Variants in PPM1H observed in about 807,000 individuals in gnomAD.
PPM1H encodes protein phosphatase 1H.
In PPM1H, 27 loss-of-function variants were observed where a neutral mutation model predicts 54.9. That is an observed-to-expected ratio of 0.49 (90% confidence interval 0.36 to 0.68). The LOEUF (loss-of-function observed/expected upper bound fraction) is 0.68, where lower values mean the gene tolerates loss of function less well. PPM1H is among the 30% of genes least tolerant of loss of function. PPM1H has a pLI of 0.00. For missense variants in PPM1H, 596 were observed against 667.8 expected (o/e 0.89, Z 1.19); for synonymous variants, 305 against 270.8 (o/e 1.13, Z -1.24).
intron 4 of PPM1H, among the ~76,000 whole-genome samples, chr12:62,778,263 TG>T (rs2076622280): frequency 6.6e-6 from 1 of 152,248 alleles, no homozygotes; most frequent in Admixed American, 6.5e-5. Context: ...ATGCCACTGC[TG>T]GCCAAAACTG....
At chr12:62,694,034 G>A (rs1466070445) in intron 6 of PPM1H, 35 bp from the exon 7 acceptor site, 1 of 1,580,002 alleles carries the variant, frequency 6.3e-7, no homozygotes, top group East Asian at 2.3e-5. Flanking sequence ...AAAAAGGTTT[G>A]CACTCAATTA....
chr12:62,696,074 G>T (rs777013609), intron 6 of PPM1H, among the ~76,000 whole-genome samples: 18 of 152,238 alleles, frequency 1.2e-4, no homozygotes, highest in Admixed American at 3.3e-4. Flanking sequence ...GAGGCAGAAG[G>T]CTGCAGCTCT....
At chr12:62,816,732 GT>G (rs924375242) in intron 2 of PPM1H, among the ~76,000 whole-genome samples, 255 of 144,498 alleles carry the variant, frequency 1.8e-3, no homozygotes, top group Admixed American at 6.2e-3. Context: ...TATGGTTTTG[GT>G]TTTTTTTTTT....
intron 1 of PPM1H, among the ~76,000 whole-genome samples, chr12:62,892,105 C>T (rs1870819180): frequency 6.6e-6 from 1 of 152,176 alleles, no homozygotes; most frequent in Non-Finnish European, 1.5e-5. Flanking sequence ...GTACCTTTAA[C>T]ATTTCAAAAA....
chr12:62,676,706 T>A (rs2075988668), intron 8 of PPM1H, among the ~76,000 whole-genome samples: 8 of 152,026 alleles, frequency 5.3e-5, no homozygotes. Context: ...CTCTGGACTT[T>A]GGTCGCCACC....
intron 1 of PPM1H, among the ~76,000 whole-genome samples, chr12:62,864,031 A>G (rs892573180): frequency 2.6e-5 from 4 of 152,254 alleles, no homozygotes; most frequent in African/African-American, 9.6e-5. Context: ...AGTTTAGAGC[A>G]CTGGTTCTAC....
At chr12:62,829,583 G>T (rs1459172414) in intron 2 of PPM1H, among the ~76,000 whole-genome samples, 1 of 152,216 alleles carries the variant, frequency 6.6e-6, no homozygotes. Context: ...AATAGGTAAA[G>T]CAGACAGAAA....
At chr12:62,823,595 T>A (rs1219150430) in intron 2 of PPM1H, among the ~76,000 whole-genome samples, 1 of 152,182 alleles carries the variant, frequency 6.6e-6, no homozygotes, top group Non-Finnish European at 1.5e-5. Flanking sequence ...TTGTTCAACA[T>A]ACCCAAATCA....
At chr12:62,683,033 T>TTTTTTTTATTA (rs1491110813) in intron 8 of PPM1H, among the ~76,000 whole-genome samples, 2 of 133,674 alleles carry the variant, frequency 1.5e-5, no homozygotes, top group Non-Finnish European at 3.3e-5. Flanking sequence ...GAGTTTATTA[T>TTTTTTTTATTA]TTATTATTAT....
rs2075790852 is a variant in PPM1H at position 62,647,213 on chromosome 12, G to A, written c.*1276C>T. ...GAACACTCAGATGTGGAACCATAGAGGGACCTTGAGGAGCTGGGACATGAT... is the reference window on the plus strand; with the variant it reads ...GAACACTCAGATGTGGAACCATAGAAGGACCTTGAGGAGCTGGGACATGAT... On this transcript the variant is annotated 3_prime_UTR_variant, in exon 10 of 10. Transcript: ENST00000228705. 6.6e-6 allele frequency: 1 copy of A among 152,276 alleles called. No individual in the cohort carries two copies. The highest frequency in any genetic ancestry group is 1.5e-5 in the Non-Finnish European group (1 of 68,086). The allele number at this position is 152,276 out of a possible 1,614,324, so 9.4% of individuals were successfully genotyped here. A position where few individuals can be genotyped will look rare whatever the true frequency, so the allele number is the denominator to read the frequency against.
At chr12:62,714,282 C>T (rs951301046) in intron 6 of PPM1H, among the ~76,000 whole-genome samples, 2 of 152,026 alleles carry the variant, frequency 1.3e-5, no homozygotes, top group African/African-American at 4.8e-5. Flanking sequence ...CTACTGTGCT[C>T]GAGAGCACAG....
rs2075797292 is a variant in PPM1H, at chr12:62,648,231, G to A, written c.*258C>T. 2.4e-6 allele frequency: 1 copy of A among 416,106 alleles called. No homozygotes were observed. Among genetic ancestry groups the A allele is most frequent in the Non-Finnish European group, 4.4e-6 (1 of 226,472 alleles). The allele number at this position is 416,106 out of a possible 1,614,324, so 25.8% of individuals were successfully genotyped here. On this transcript the variant is annotated 3_prime_UTR_variant, in exon 10 of 10. Transcript: ENST00000228705. ...CAAATAGTCAATGGCCACCTCGGAG[G>A]CCTATGAAAGGAACTGAAATACAAC...
chr12:62,687,546 C>T (rs574216204), intron 8 of PPM1H, among the ~76,000 whole-genome samples: 46 of 151,874 alleles, frequency 3.0e-4, no homozygotes, highest in African/African-American at 1.1e-3. Context: ...CCACCATAGC[C>T]GGCCTTCTTG....
intron 8 of PPM1H, among the ~76,000 whole-genome samples, chr12:62,668,478 C>T (rs1219923243): frequency 6.6e-6 from 1 of 152,178 alleles, no homozygotes; most frequent in Non-Finnish European, 1.5e-5. Context: ...AGGGTTCAAG[C>T]GATTCTCCCG....
chr12:62,838,524 G>C (rs574518972), intron 1 of PPM1H, among the ~76,000 whole-genome samples: 2 of 152,178 alleles, frequency 1.3e-5, no homozygotes, highest in Admixed American at 1.3e-4. Context: ...CTTATTCTTG[G>C]GGTACTGAGA....
intron 6 of PPM1H, among the ~76,000 whole-genome samples, chr12:62,696,921 T>C (rs17098204): frequency 0.064 from 9,694 of 152,196 alleles, 503 homozygotes; most frequent in East Asian, 0.26. Flanking sequence ...CTAGTCCGAG[T>C]CTGAAATGAG....
intron 1 of PPM1H, among the ~76,000 whole-genome samples, chr12:62,852,361 A>C (rs1347985298): frequency 6.6e-6 from 1 of 151,804 alleles, no homozygotes. Context: ...TCTTTCCTAC[A>C]TGTGAGGCTA....
chr12:62,688,436 A>AG (rs1277985746), intron 8 of PPM1H, among the ~76,000 whole-genome samples: 2 of 152,140 alleles, frequency 1.3e-5, no homozygotes, highest in Non-Finnish European at 2.9e-5. Context: ...ATTAAAAAAA[A>AG]AAAATGGCAA....
intron 8 of PPM1H, among the ~76,000 whole-genome samples, chr12:62,681,218 T>C (rs2076017417): frequency 6.6e-6 from 1 of 152,208 alleles, no homozygotes; most frequent in Non-Finnish European, 1.5e-5. Flanking sequence ...AAAAAGCATA[T>C]TTTTTCCTCT....
Sources: allele counts gnomAD v4.1 joint callset (sites outside exome capture counted in the v4.1 genomes callset), GRCh38; gene constraint gnomAD v4.1.1; transcripts MANE v1.5; gene names NCBI Gene and HGNC (gene_info 2026-07-23, HGNC 2026-07-21).